PKNOX2: variants seen among roughly 807,000 people sequenced by gnomAD.
PKNOX2 encodes homeobox protein PKNOX2.
PKNOX2 carries 14 observed loss-of-function variants against 53.1 expected under a neutral mutation model. That is an observed-to-expected ratio of 0.26 (90% confidence interval 0.17 to 0.41). PKNOX2 has a LOEUF of 0.41. Among genes scored for constraint, PKNOX2 ranks in the 10% least tolerant of loss-of-function variants. The pLI is 1.00. For synonymous variants in PKNOX2, 257 were observed against 242.8 expected, an observed-to-expected ratio of 1.06 and a Z score of -0.54; for missense variants, 496 against 602.8, an observed-to-expected ratio of 0.82 and a Z score of 1.85.
chr11:125,229,268 G>A (rs998706892), intron 1 of PKNOX2, among the ~76,000 whole-genome samples: 5 of 152,222 alleles, frequency 3.3e-5, no homozygotes, highest in African/African-American at 1.2e-4. Flanking sequence ...CGTGACGGGG[G>A]AGACTTCTGG....
intron 3 of PKNOX2, among the ~76,000 whole-genome samples, chr11:125,338,230 G>T (rs12294215): frequency 0.092 from 14,005 of 152,060 alleles, 2,122 homozygotes; most frequent in African/African-American, 0.32. Context: ...CACTTCCCCA[G>T]CTCACACACA....
chr11:125,309,710 T>G (rs552573745), intron 2 of PKNOX2, among the ~76,000 whole-genome samples: 1 of 152,228 alleles, frequency 6.6e-6, no homozygotes, highest in South Asian at 2.1e-4. Context: ...AATTTATATT[T>G]CTCTCTACTC....
At chr11:125,342,753 G>A (rs555464816) in intron 3 of PKNOX2, among the ~76,000 whole-genome samples, 31 of 149,272 alleles carry the variant, frequency 2.1e-4, no homozygotes, top group Non-Finnish European at 4.2e-4. Flanking sequence ...AGACGAGAGA[G>A]CACATGATAG....
intron 2 of PKNOX2, among the ~76,000 whole-genome samples, chr11:125,309,673 C>T (rs180730843): frequency 1.8e-3 from 272 of 152,214 alleles, no homozygotes; most frequent in African/African-American, 2.0e-3. Context: ...CAGGCGTGAG[C>T]GACTGTGCCC....
At chr11:125,329,393 A>G (rs183009997) in intron 2 of PKNOX2, among the ~76,000 whole-genome samples, 1 of 152,350 alleles carries the variant, frequency 6.6e-6, no homozygotes, top group African/African-American at 2.4e-5. Flanking sequence ...TTTTAAAGGT[A>G]ACAAAATCAT....
chr11:125,166,740 C>G lies in PKNOX2; in HGVS notation c.-201+1964C>G, dbSNP rs892448535. On this transcript the variant is annotated intron_variant, in intron 1 of 12. Coordinates refer to ENST00000298282, the MANE Select transcript of PKNOX2 (RefSeq NM_001382323.2). This position sits in a 1 kb window ranked among gnomAD's most constrained non-coding sequence, Gnocchi z 4.0. ...AGCCGCTTCCTGTGCTTACCCGCGC[C>G]GGACTGAGAAGCCCACAAACCCGGC... is the stretch of plus-strand genomic sequence containing the variant. Among the ~76,000 whole-genome samples the G allele has an allele frequency of 3.9e-5, 6 of 152,198 alleles. No homozygotes were observed. Among genetic ancestry groups the G allele is most frequent in the African/African-American group, 7.2e-5 (3 of 41,464 alleles).
rs1469323 is a variant in PKNOX2 at position 125,402,761 on chromosome 11, G to A, written c.588+4699G>A. ...CTGGATTGGGTGATCCACATGTGTG[G>A]CTTGAGGTTGCCCCAGTCTCAACTC... is the stretch of plus-strand genomic sequence containing the variant. On this transcript the variant is annotated intron_variant, in intron 7 of 12. Transcript: ENST00000298282. Among the ~76,000 whole-genome samples, 793 of 152,320 alleles carry A rather than the reference G, an allele frequency of 5.2e-3. 11 individuals carry two copies. The highest frequency in any genetic ancestry group is 0.016 in the African/African-American group (685 of 41,568).
At chr11:125,263,248 C>T (rs1041021062) in intron 2 of PKNOX2, among the ~76,000 whole-genome samples, 8 of 152,250 alleles carry the variant, frequency 5.3e-5, no homozygotes, top group African/African-American at 1.9e-4. Context: ...GACCTCCTCT[C>T]TCTAGAGCCA....
rs529481059 is a variant in PKNOX2 at position 125,388,762 on chromosome 11, A to G, written c.399+3040A>G. Among the ~76,000 whole-genome samples, 304 of 152,252 alleles carry G rather than the reference A, an allele frequency of 2.0e-3. 2 individuals are homozygous for G. Among genetic ancestry groups the G allele is most frequent in the African/African-American group, 6.9e-3 (288 of 41,534 alleles). On this transcript the variant is annotated intron_variant, in intron 6 of 12. Transcript: ENST00000298282. ...GTACCACACTCCCCTGTGTCCCACA[A>G]TCACCCAGGGCTGATCCGAAGATCA...
intron 2 of PKNOX2, among the ~76,000 whole-genome samples, chr11:125,236,508 C>A (rs1402502371): frequency 6.6e-6 from 1 of 152,156 alleles, no homozygotes; most frequent in Non-Finnish European, 1.5e-5. Flanking sequence ...TGAGCATGAA[C>A]CTTAATGAGA....
At chr11:125,342,631 G>C (rs968418598) in intron 3 of PKNOX2, among the ~76,000 whole-genome samples, 1 of 152,220 alleles carries the variant, frequency 6.6e-6, no homozygotes, top group African/African-American at 2.4e-5. Flanking sequence ...CTCAGTGCCT[G>C]AGCGGCTGCT....
At chr11:125,209,911 G>T (rs866121014) in intron 1 of PKNOX2, among the ~76,000 whole-genome samples, 1 of 151,998 alleles carries the variant, frequency 6.6e-6, no homozygotes. Context: ...GGCTGGTATT[G>T]CTCTTGTTTT....
At chr11:125,315,619 A>G (rs1332654077) in intron 2 of PKNOX2, among the ~76,000 whole-genome samples, 1 of 152,150 alleles carries the variant, frequency 6.6e-6, no homozygotes. Context: ...GGGAGGGCTG[A>G]GTGCATGGCA....
At chr11:125,382,825 C>T (rs191122154) in intron 5 of PKNOX2, among the ~76,000 whole-genome samples, 4 of 152,326 alleles carry the variant, frequency 2.6e-5, no homozygotes, top group Non-Finnish European at 4.4e-5. Flanking sequence ...TGTCTTCAGC[C>T]GAATGGCTAA....
chr11:125,343,880 A>G (rs1822008606), intron 3 of PKNOX2, among the ~76,000 whole-genome samples: 1 of 151,988 alleles, frequency 6.6e-6, no homozygotes, highest in African/African-American at 2.4e-5. Context: ...GGACTCAAGG[A>G]GGAGAGACTG....
At chr11:125,332,991 G>A (rs1290102370) in intron 3 of PKNOX2, among the ~76,000 whole-genome samples, 3 of 152,308 alleles carry the variant, frequency 2.0e-5, no homozygotes, top group South Asian at 4.1e-4. Context: ...GTGGCTCCTC[G>A]CGGTGGAAGC....
intron 9 of PKNOX2, 138 bp downstream of exon 9, chr11:125,411,014 T>C (rs891820375): frequency 1.4e-5 from 10 of 708,010 alleles, no homozygotes; most frequent in Non-Finnish European, 2.1e-5. Flanking sequence ...ACCCCTACTT[T>C]ACAGATAAGA....
intron 2 of PKNOX2, among the ~76,000 whole-genome samples, chr11:125,316,632 A>G (rs1423039258): frequency 6.6e-6 from 1 of 152,224 alleles, no homozygotes; most frequent in Non-Finnish European, 1.5e-5. Flanking sequence ...GTAGTCTATT[A>G]AGTGTGGAAT....
At chr11:125,420,846 A>G (rs1956133962) in intron 10 of PKNOX2, among the ~76,000 whole-genome samples, 1 of 152,082 alleles carries the variant, frequency 6.6e-6, no homozygotes, top group Non-Finnish European at 1.5e-5. Context: ...AGGGCACAAA[A>G]AGGAGACGCT....
Sources: gnomAD v4.1 joint callset for allele counts (sites outside exome capture counted in the v4.1 genomes callset) on GRCh38, gnomAD v4.1.1 for gene constraint, Gnocchi (gnomAD v3.1) non-coding constraint, MANE v1.5 for transcripts, NCBI Gene and HGNC (gene_info 2026-07-23, HGNC 2026-07-21) for gene names.